The following ARL6IP6 variants were observed in gnomAD, a reference collection of about 807,000 sequenced individuals.
ARL6IP6 encodes ADP-ribosylation factor-like protein 6-interacting protein 6.
In ARL6IP6, 22 loss-of-function variants were observed where a neutral mutation model predicts 21.5. The observed-to-expected ratio is 1.02, with a 90% confidence interval of 0.73 to 1.46. ARL6IP6 has a LOEUF of 1.46. Among genes scored for constraint, ARL6IP6 ranks in the 40% most tolerant of loss-of-function variants. The probability of loss-of-function intolerance (pLI) is 0.00; values close to 1 mark genes in which losing one functional copy is unlikely to be tolerated. For missense variants in ARL6IP6, 388 were observed against 299.8 expected (o/e 1.29, Z -2.17); for synonymous variants, 164 against 125.3 (o/e 1.31, Z -2.06).
chr2:152,733,266 GT>G (rs1700409203), intron 2 of ARL6IP6, among the ~76,000 whole-genome samples: 1 of 151,934 alleles, frequency 6.6e-6, no homozygotes, highest in Admixed American at 6.6e-5. Flanking sequence ...TCTGTTGTTT[GT>G]TTGTTTGTTT....
intron 2 of ARL6IP6, among the ~76,000 whole-genome samples, chr2:152,724,909 C>CA (rs1394400854): frequency 2.0e-5 from 3 of 151,264 alleles, no homozygotes; most frequent in African/African-American, 7.3e-5. Context: ...AAAAAAAAAG[C>CA]AAAAAAACGA....
intron 2 of ARL6IP6, 58 bp downstream of exon 2, chr2:152,720,644 ATGTT>A: frequency 7.0e-7 from 1 of 1,438,592 alleles, no homozygotes; most frequent in Non-Finnish European, 9.7e-7. Flanking sequence ...TTTCTAGATC[ATGTT>A]TGAACTAACT....
intron 2 of ARL6IP6, among the ~76,000 whole-genome samples, chr2:152,725,037 A>G (rs960721853): frequency 6.6e-6 from 1 of 152,200 alleles, no homozygotes; most frequent in Non-Finnish European, 1.5e-5. Context: ...ATCAGGGCTC[A>G]TTGGACCATT....
intron 2 of ARL6IP6, among the ~76,000 whole-genome samples, chr2:152,729,945 T>C (rs992401298): frequency 4.6e-5 from 7 of 152,206 alleles, no homozygotes; most frequent in Non-Finnish European, 1.0e-4. Flanking sequence ...ATTCTGCAGG[T>C]ACTGACTTGT....
intron 3 of ARL6IP6, among the ~76,000 whole-genome samples, chr2:152,751,567 C>G (rs550694344): frequency 6.6e-6 from 1 of 152,180 alleles, no homozygotes; most frequent in African/African-American, 2.4e-5. Context: ...AACCACAGTT[C>G]TACCTTCTAC....
intron 3 of ARL6IP6, among the ~76,000 whole-genome samples, chr2:152,758,694 A>G (rs887498278): frequency 6.6e-6 from 1 of 152,174 alleles, no homozygotes; most frequent in Non-Finnish European, 1.5e-5. Flanking sequence ...GTAGCTTCAG[A>G]TGAATGCAAA....
chr2:152,727,162 G>A (rs1700085537), intron 2 of ARL6IP6, among the ~76,000 whole-genome samples: 1 of 152,146 alleles, frequency 6.6e-6, no homozygotes, highest in African/African-American at 2.4e-5. Flanking sequence ...AAAAAGATGT[G>A]ACAGTGAAAA....
At position 152,718,902 on chromosome 2, in the gene ARL6IP6, C is replaced by G; in HGVS notation, c.278C>G (p.Ala93Gly). The G allele has an allele frequency of 6.2e-7, 1 of 1,613,870 alleles. No homozygotes were observed. Among genetic ancestry groups the G allele is most frequent in the Middle Eastern group, 1.7e-4 (1 of 6,060 alleles). Residue 93 changes from alanine to glycine, a missense_variant, in exon 1 of 4, where the codon GCG becomes GGG. Transcript: ENST00000326446. Reference protein sequence around the residue: ...LPDKRNGIFPAAAGSRAQPRR... With the variant: ...LPDKRNGIFPGAAGSRAQPRR... ...GATAAGCGCAATGGTATCTTTCCCGCGGCCGCGGGCAGCAGAGCCCAGCCT... is the reference window on the plus strand; with the variant it reads ...GATAAGCGCAATGGTATCTTTCCCGGGGCCGCGGGCAGCAGAGCCCAGCCT...
chr2:152,717,817 T>A, upstream of ARL6IP6: 1 of 1,136,090 alleles, frequency 8.8e-7, no homozygotes, highest in Middle Eastern at 3.9e-4. Context: ...CCGAGTTACG[T>A]ACGCCCCACA....
At position 152,758,220 on chromosome 2, in the gene ARL6IP6, T is replaced by C. The variant is rs538301057; in HGVS notation, c.588-1527T>C. ...TTATAATATTATACCTAATACAATGTAAATGTTATATAAATAGTTGTTTTA... is the reference window on the plus strand; with the variant it reads ...TTATAATATTATACCTAATACAATGCAAATGTTATATAAATAGTTGTTTTA... On this transcript the variant is annotated intron_variant, in intron 3 of 3. Transcript: ENST00000326446. Among the ~76,000 whole-genome samples, 3 of 152,264 alleles carry C rather than the reference T, an allele frequency of 2.0e-5. No individual in the cohort carries two copies. In the East Asian group the frequency reaches 5.8e-4, roughly 29 times the overall value.
chr2:152,760,482 TA>T lies in ARL6IP6; in HGVS notation c.*643del, dbSNP rs1312108434. On this transcript the variant is annotated 3_prime_UTR_variant, in exon 4 of 4. Transcript: ENST00000326446. ...GTTACATCTAGACAACTGTAAACAT[TA>T]TTTTTTTAGCTAGTGCAAACCTAGT... The T allele has an allele frequency of 1.3e-5, 2 of 152,050 alleles. No individual in the cohort carries two copies. Among genetic ancestry groups the T allele is most frequent in the East Asian group, 3.8e-4 (2 of 5,198 alleles). The allele number at this position is 152,050 out of a possible 1,614,324, so 9.4% of individuals were successfully genotyped here. A position where few individuals can be genotyped will look rare whatever the true frequency, so the allele number is the denominator to read the frequency against.
chr2:152,759,242 A>G (rs568507338), intron 3 of ARL6IP6, among the ~76,000 whole-genome samples: 1 of 152,210 alleles, frequency 6.6e-6, no homozygotes, highest in Non-Finnish European at 1.5e-5. Flanking sequence ...TAAGTAACCT[A>G]TTAGAATGAT....
intron 2 of ARL6IP6, among the ~76,000 whole-genome samples, chr2:152,729,192 A>T (rs1700184265): frequency 6.6e-6 from 1 of 152,242 alleles, no homozygotes; most frequent in African/African-American, 2.4e-5. Context: ...CAAGATGGTG[A>T]AACCCTGTGT....
intron 3 of ARL6IP6, among the ~76,000 whole-genome samples, chr2:152,738,176 A>T (rs1222963183): frequency 6.6e-6 from 1 of 152,212 alleles, no homozygotes; most frequent in Non-Finnish European, 1.5e-5. Context: ...TCTCACATCC[A>T]GGTCACACTG....
In ARL6IP6 at chr2:152,753,215, A is replaced by C. The variant is rs538215085; in HGVS notation, c.588-6532A>C. ...CCATGTAGATATGACAGCTCTTTTG[A>C]AAATAAGCTGAATCTTGATTACTTC... On this transcript the variant is annotated intron_variant, in intron 3 of 3. Transcript: ENST00000326446. Among the ~76,000 whole-genome samples the C allele has an allele frequency of 2.0e-5, 3 of 152,296 alleles. No homozygotes were observed. The South Asian group carries it at 6.2e-4, about 32-fold the overall frequency.
intron 3 of ARL6IP6, among the ~76,000 whole-genome samples, chr2:152,739,167 A>G (rs904579040): frequency 7.2e-5 from 11 of 151,966 alleles, no homozygotes; most frequent in Middle Eastern, 6.8e-3. Context: ...TTGTATTTTT[A>G]GTAGAGACGG....
At chr2:152,725,410 A>G (rs1159324154) in intron 2 of ARL6IP6, among the ~76,000 whole-genome samples, 3 of 152,142 alleles carry the variant, frequency 2.0e-5, no homozygotes, top group Non-Finnish European at 4.4e-5. Context: ...TCTGCATCCT[A>G]ATTTATTTGA....
At chr2:152,744,679 T>G (rs1192822877) in intron 3 of ARL6IP6, among the ~76,000 whole-genome samples, 1 of 152,166 alleles carries the variant, frequency 6.6e-6, no homozygotes, top group African/African-American at 2.4e-5. Flanking sequence ...CAATCTTTAT[T>G]GTCTGATCAC....
At chr2:152,736,460 C>G (rs1246588261) in intron 3 of ARL6IP6, among the ~76,000 whole-genome samples, 1 of 152,202 alleles carries the variant, frequency 6.6e-6, no homozygotes, top group African/African-American at 2.4e-5. Flanking sequence ...TCAATATCCA[C>G]CCATTTCACT....
Sources: allele counts gnomAD v4.1 joint callset (sites outside exome capture counted in the v4.1 genomes callset), GRCh38; gene constraint gnomAD v4.1.1; transcripts MANE v1.5; gene names NCBI Gene and HGNC (gene_info 2026-07-23, HGNC 2026-07-21).